The following ZNF705B variants were observed in gnomAD, a reference collection of about 807,000 sequenced individuals.
The protein encoded by ZNF705B is Putative zinc finger protein 705D-like protein LOC100132396.
Under a neutral mutation model 10.5 loss-of-function variants are expected in ZNF705B, and 1 was observed. That is an observed-to-expected ratio of 0.10 (90% CI 0.03 to 0.45). ZNF705B has a LOEUF of 0.45. ZNF705B is among the 20% of genes least tolerant of loss of function. The probability of loss-of-function intolerance (pLI) is 0.97; values close to 1 mark genes in which losing one functional copy is unlikely to be tolerated. For missense variants in ZNF705B, 14 were observed against 84.0 expected (o/e 0.17, Z 3.26); for synonymous variants, 4 against 25.4 (o/e 0.16, Z 2.53).
At chr8:7,927,338 T>C (rs1211721614) in intron 1 of ZNF705B, among the ~76,000 whole-genome samples, 1 of 121,164 alleles carries the variant, frequency 8.3e-6, no homozygotes. Context: ...AGTAGTATCT[T>C]GTGTGATTTC....
At chr8:7,937,617 A>G (rs565050247) in intron 2 of ZNF705B, among the ~76,000 whole-genome samples, 21 of 121,916 alleles carry the variant, frequency 1.7e-4, no homozygotes, top group African/African-American at 5.3e-4. Flanking sequence ...AAACCCATGT[A>G]TTTAGCCAGG....
At chr8:7,928,260 G>C (rs2698878) in intron 1 of ZNF705B, among the ~76,000 whole-genome samples, 1 of 115,790 alleles carries the variant, frequency 8.6e-6, no homozygotes, top group Admixed American at 1.0e-4. Context: ...TTGTAATATC[G>C]TCACCACCTT....
At chr8:7,930,790 T>C (rs1819820884) in intron 2 of ZNF705B, among the ~76,000 whole-genome samples, 1 of 115,746 alleles carries the variant, frequency 8.6e-6, no homozygotes, top group African/African-American at 2.6e-5. Context: ...CAAATAATGC[T>C]GACCACTTTC....
intron 2 of ZNF705B, among the ~76,000 whole-genome samples, chr8:7,936,295 T>C (rs1820013290): frequency 8.3e-6 from 1 of 120,356 alleles, no homozygotes; most frequent in South Asian, 2.8e-4. Context: ...CCTGATTCTA[T>C]TGAGCATTAT....
chr8:7,937,091 G>A (rs1218733549), intron 2 of ZNF705B, among the ~76,000 whole-genome samples: 1 of 114,894 alleles, frequency 8.7e-6, no homozygotes, highest in African/African-American at 2.6e-5. Context: ...AACATAGGCT[G>A]TCTTGTCTAG....
At chr8:7,928,043 G>A (rs1434582881) in intron 1 of ZNF705B, among the ~76,000 whole-genome samples, 2 of 127,132 alleles carry the variant, frequency 1.6e-5, no homozygotes, top group Non-Finnish European at 3.7e-5. Flanking sequence ...CTTATAAAGA[G>A]CAGAAGTTTA....
chr8:7,930,025 G>T (rs571426115), intron 1 of ZNF705B, among the ~76,000 whole-genome samples: 3 of 102,088 alleles, frequency 2.9e-5, no homozygotes, highest in Non-Finnish European at 4.6e-5. Context: ...AGGTACATGC[G>T]CAGATTTGTT....
intron 2 of ZNF705B, among the ~76,000 whole-genome samples, chr8:7,940,590 C>T (rs556605237): frequency 2.3e-5 from 3 of 132,338 alleles, no homozygotes; most frequent in Admixed American, 8.1e-5. Flanking sequence ...CCACATCTAC[C>T]CATTTCCCCA....
At chr8:7,932,724 C>T (rs1231528685) in intron 2 of ZNF705B, among the ~76,000 whole-genome samples, 1 of 118,814 alleles carries the variant, frequency 8.4e-6, no homozygotes, top group Non-Finnish European at 2.0e-5. Context: ...TGTGACATAA[C>T]TTAACATTGT....
chr8:7,931,665 C>A (rs1563492452), intron 2 of ZNF705B, among the ~76,000 whole-genome samples: 1 of 124,986 alleles, frequency 8.0e-6, no homozygotes, highest in Non-Finnish European at 1.9e-5. Context: ...GTCCCCAGGT[C>A]CCCTGAGGAT....
At position 7,937,807 on chromosome 8, in the gene ZNF705B, G is replaced by A. The variant is rs1388586228; in HGVS notation, c.-72+7371G>A. On this transcript the variant is annotated intron_variant, in intron 2 of 6. Coordinates refer to ENST00000400120, the MANE Select transcript of ZNF705B (RefSeq NM_001193630.1). ...GCACAACAGAACTCTAGGGTGGGAT[G>A]TATAGGGAAAGCCAGGATATTAAAA... is the stretch of plus-strand genomic sequence containing the variant. Among the ~76,000 whole-genome samples, 6 of 92,312 alleles carry A rather than the reference G, an allele frequency of 6.5e-5. 1 individual carries two copies. The highest frequency in any genetic ancestry group is 1.3e-4 in the Non-Finnish European group (5 of 38,898). 60.6% of individuals were successfully genotyped at this position (92,312 alleles called of 152,430 possible). A position where few individuals can be genotyped will look rare whatever the true frequency, so the allele number is the denominator to read the frequency against.
chr8:7,930,951 G>A (rs1301214112), intron 2 of ZNF705B, among the ~76,000 whole-genome samples: 2 of 126,996 alleles, frequency 1.6e-5, no homozygotes, highest in African/African-American at 2.5e-5. Context: ...TGCCTCCTGG[G>A]CTCAAGCAAT....
chr8:7,931,004 C>T (rs1293481810), intron 2 of ZNF705B, among the ~76,000 whole-genome samples: 19 of 120,564 alleles, frequency 1.6e-4, no homozygotes, highest in African/African-American at 3.8e-4. Flanking sequence ...TACAGGCATG[C>T]GCCTCCATGC....
chr8:7,926,723 C>G lies in ZNF705B; in HGVS notation c.-222+326C>G, dbSNP rs1234216011. ...TTGGCCCACCATGACCCACCTGATG[C>G]AGACTTTCCCCCTTTGTTAGGGAAG... On this transcript the variant is annotated intron_variant, in intron 1 of 6. Transcript: ENST00000400120. 3.5e-5 allele frequency among the ~76,000 whole-genome samples: 4 copies of G among 113,758 alleles called. 1 individual carries two copies. Among genetic ancestry groups the G allele is most frequent in the African/African-American group, 1.1e-4 (4 of 37,982 alleles). 74.6% of individuals were successfully genotyped at this position (113,758 alleles called of 152,430 possible).
In ZNF705B at chr8:7,950,749, T is replaced by G. The variant is rs774920960; in HGVS notation, c.318+2T>G. ...GACACATCCACCAGTATGACAATGG[T>G]AAGTTTTATAGCTGTGTACACCAGT... On this transcript the variant is annotated splice_donor_variant, in intron 6 of 6. Coordinates refer to ENST00000400120, the MANE Select transcript of ZNF705B (RefSeq NM_001193630.1). LOFTEE classifies it high-confidence loss of function. The G allele has an allele frequency of 1.9e-5, 17 of 895,054 alleles. 6 individuals carry two copies. The highest frequency in any genetic ancestry group is 2.3e-5 in the Non-Finnish European group (15 of 643,820). The allele number at this position is 895,054 out of a possible 1,614,324, so 55.4% of individuals were successfully genotyped here.
At position 7,926,512 on chromosome 8, in the gene ZNF705B, C is replaced by A. The variant is rs199860801; in HGVS notation, c.-222+115C>A. ...AATGTAGACAACAGATTTCAGCCTC[C>A]ACTTTACTTTCTAGTGGTATTATTA... On this transcript the variant is annotated intron_variant, in intron 1 of 6. Coordinates refer to ENST00000400120, the MANE Select transcript of ZNF705B (RefSeq NM_001193630.1). 7 of 115,228 alleles carry A rather than the reference C, an allele frequency of 6.1e-5. 1 individual carries two copies. In the East Asian group the frequency reaches 1.7e-3, roughly 28 times the overall value. 7.1% of individuals were successfully genotyped at this position (115,228 alleles called of 1,614,324 possible).
intron 2 of ZNF705B, among the ~76,000 whole-genome samples, chr8:7,930,846 GTT>G (rs5889212): frequency 1.4e-5 from 1 of 72,802 alleles, no homozygotes; most frequent in Non-Finnish European, 3.8e-5. Flanking sequence ...TATTTTTTTT[GTT>G]TTTTTTTTTG....
At chr8:7,929,640 A>C (rs1490870693) in intron 1 of ZNF705B, among the ~76,000 whole-genome samples, 2 of 122,034 alleles carry the variant, frequency 1.6e-5, no homozygotes, top group East Asian at 4.7e-4. Flanking sequence ...CATAATTTGA[A>C]CATTTGAATC....
intron 1 of ZNF705B, among the ~76,000 whole-genome samples, chr8:7,928,299 G>A (rs1271148042): frequency 1.7e-5 from 2 of 120,202 alleles, no homozygotes; most frequent in Admixed American, 1.9e-4. Flanking sequence ...AGATGAATGG[G>A]GAGACAGAAA....
Sources: gnomAD v4.1 joint callset for allele counts (sites outside exome capture counted in the v4.1 genomes callset) on GRCh38, gnomAD v4.1.1 for gene constraint, MANE v1.5 for transcripts, NCBI Gene and HGNC (gene_info 2026-07-23, HGNC 2026-07-21) for gene names.